The following PTPRZ1 variants were observed in gnomAD, a reference collection of about 807,000 sequenced individuals.
PTPRZ1 encodes receptor-type tyrosine-protein phosphatase zeta.
A neutral mutation model predicts 214.1 loss-of-function variants in PTPRZ1; 82 were observed. The ratio of observed to expected loss-of-function variants is 0.38; its 90% CI spans 0.32 to 0.46. The LOEUF is 0.46. PTPRZ1 is among the 20% of genes least tolerant of loss of function. The pLI is 1.00. For missense variants in PTPRZ1, 2,603 were observed against 2,748.7 expected (o/e 0.95, Z 1.19); for synonymous variants, 945 against 987.9 (o/e 0.96, Z 0.81).
intron 15 of PTPRZ1, 30 bp downstream of exon 15, chr7:122,031,589 A>C: frequency 7.0e-7 from 1 of 1,434,408 alleles, no homozygotes; most frequent in Non-Finnish European, 9.6e-7. Context: ...ATTTTAAATA[A>C]TATAGAAAAT....
intron 8 of PTPRZ1, among the ~76,000 whole-genome samples, chr7:121,993,877 C>G (rs1798048672): frequency 6.6e-6 from 1 of 151,912 alleles, no homozygotes; most frequent in Admixed American, 6.6e-5. Context: ...GCCTGTGTCT[C>G]CACATCTAAA....
chr7:122,034,234 T>A lies in PTPRZ1; in HGVS notation c.5188-48T>A, dbSNP rs141781006. The A allele has an allele frequency of 1.4e-4, 215 of 1,583,574 alleles. 2 individuals carry two copies. In the African/African-American group the frequency reaches 2.7e-3, roughly 20 times the overall value. On this transcript the variant is annotated intron_variant, in intron 16 of 29. Transcript: ENST00000393386. ...TTCGTTATTATATTTTAAGGCACGT[T>A]GTTTGAAAGAATGTGTGTTAAAATG...
chr7:122,017,462 T>A (rs1360062826), intron 12 of PTPRZ1, among the ~76,000 whole-genome samples: 1 of 152,106 alleles, frequency 6.6e-6, no homozygotes, highest in Non-Finnish European at 1.5e-5. Context: ...CCATTTTTCC[T>A]AGTAAATGCA....
intron 27 of PTPRZ1, among the ~76,000 whole-genome samples, chr7:122,057,945 A>G (rs2150495223): frequency 8.2e-6 from 1 of 122,032 alleles, no homozygotes; most frequent in Admixed American, 8.0e-5. Flanking sequence ...AGTCATTCAT[A>G]TAGTGTGTGT....
intron 26 of PTPRZ1, 26 bp downstream of exon 26, chr7:122,054,064 A>T: frequency 6.2e-7 from 1 of 1,610,044 alleles, no homozygotes; most frequent in Middle Eastern, 1.7e-4. Context: ...CACTTTTGGG[A>T]CTTCCTTTAC....
At chr7:121,890,929 C>G (rs972662526) in intron 1 of PTPRZ1, among the ~76,000 whole-genome samples, 15 of 151,976 alleles carry the variant, frequency 9.9e-5, no homozygotes, top group Admixed American at 8.5e-4. Context: ...CCTCCTGCCT[C>G]AGCCTCCCAA....
intron 1 of PTPRZ1, among the ~76,000 whole-genome samples, chr7:121,890,845 TC>T (rs1219028452): frequency 6.6e-6 from 1 of 151,912 alleles, no homozygotes; most frequent in African/African-American, 2.4e-5. Flanking sequence ...ATTTTTTTTT[TC>T]TTCAAATTTA....
intron 2 of PTPRZ1, among the ~76,000 whole-genome samples, chr7:121,948,899 A>G (rs1316422392): frequency 6.6e-6 from 1 of 152,126 alleles, no homozygotes; most frequent in East Asian, 1.9e-4. Flanking sequence ...TGAACATTAT[A>G]TAGTGTTACT....
intron 1 of PTPRZ1, among the ~76,000 whole-genome samples, chr7:121,923,419 A>G (rs776860853): frequency 6.6e-6 from 1 of 152,102 alleles, no homozygotes; most frequent in South Asian, 2.1e-4. Context: ...ATCTGTGGTT[A>G]TTTTCTATCT....
At chr7:121,972,210 T>C in intron 3 of PTPRZ1, among the ~76,000 whole-genome samples, 1 of 152,142 alleles carries the variant, frequency 6.6e-6, no homozygotes, top group South Asian at 2.1e-4. Flanking sequence ...TTGCTCTGTC[T>C]TCTTATTACC....
intron 8 of PTPRZ1, among the ~76,000 whole-genome samples, chr7:121,993,156 T>C (rs1036362527): frequency 6.6e-5 from 10 of 152,188 alleles, no homozygotes; most frequent in African/African-American, 2.4e-4. Flanking sequence ...TTTTACTTTA[T>C]AGTAGCTTGT....
intron 8 of PTPRZ1, among the ~76,000 whole-genome samples, chr7:121,994,678 C>T (rs1303456815): frequency 6.6e-6 from 1 of 152,086 alleles, no homozygotes; most frequent in East Asian, 1.9e-4. Flanking sequence ...GAAGCAAGAA[C>T]GAGCTTGTTG....
At chr7:121,960,347 A>G (rs751704752) in intron 2 of PTPRZ1, among the ~76,000 whole-genome samples, 1 of 151,862 alleles carries the variant, frequency 6.6e-6, no homozygotes, top group Non-Finnish European at 1.5e-5. Context: ...TAGCTGAGAC[A>G]CAAACATTTT....
At chr7:122,049,905 G>A (rs1792115118) in intron 23 of PTPRZ1, among the ~76,000 whole-genome samples, 1 of 152,082 alleles carries the variant, frequency 6.6e-6, no homozygotes, top group Non-Finnish European at 1.5e-5. Context: ...TAATAGTATT[G>A]GAAAACGGAG....
intron 8 of PTPRZ1, among the ~76,000 whole-genome samples, chr7:121,984,987 G>T (rs1179662740): frequency 6.6e-6 from 1 of 152,040 alleles, no homozygotes; most frequent in Non-Finnish European, 1.5e-5. Context: ...GTCCTGCAAT[G>T]AATTCAATGA....
chr7:121,908,357 CCCTTT>C, intron 1 of PTPRZ1: 1 of 237,214 alleles, frequency 4.2e-6, no homozygotes, highest in South Asian at 4.5e-5. Context: ...GTAGATCAAT[CCCTTT>C]GGAAAAGAAT....
rs757028342 is a variant in PTPRZ1, at chr7:122,013,314, A to T, written c.4268A>T (p.Asp1423Val). The T allele has an allele frequency of 6.3e-7, 1 of 1,582,750 alleles. No individual in the cohort carries two copies. Among genetic ancestry groups the T allele is most frequent in the South Asian group, 1.1e-5 (1 of 89,546 alleles). ...VGGGEDGDTD[D>V]DGDDDDDDRG... ...GGTGGTGAAGATGGTGACACTGATG[A>T]TGATGGTGATGATGATGATGATGAC... The change falls in exon 12 of 30, where the codon GAT (aspartate) becomes GTT (valine). Residue 1423 changes from aspartate (D) to valine (V), a missense_variant. By Grantham distance (152) the Asp-to-Val change is radical. Coordinates refer to ENST00000393386, the MANE Select transcript of PTPRZ1 (RefSeq NM_002851.3).
At chr7:122,014,147 A>G (rs942861742) in intron 12 of PTPRZ1, among the ~76,000 whole-genome samples, 3 of 152,146 alleles carry the variant, frequency 2.0e-5, no homozygotes, top group Non-Finnish European at 4.4e-5. Context: ...TCAATATTTC[A>G]TACTCTACAG....
chr7:121,946,960 T>C (rs542658211), intron 2 of PTPRZ1, among the ~76,000 whole-genome samples: 2 of 152,260 alleles, frequency 1.3e-5, no homozygotes, highest in African/African-American at 2.4e-5. Context: ...CTGTGTCAGA[T>C]TGAACGAGAG....
Sources: allele counts gnomAD v4.1 joint callset (sites outside exome capture counted in the v4.1 genomes callset), GRCh38; gene constraint gnomAD v4.1.1; transcripts MANE v1.5; gene names NCBI Gene and HGNC (gene_info 2026-07-23, HGNC 2026-07-21).